The following ATM variants were observed in gnomAD, a reference collection of about 807,000 sequenced individuals.
The protein encoded by ATM is serine-protein kinase ATM.
ATM carries 308 observed loss-of-function variants against 387.0 expected under a neutral mutation model. The ratio of observed to expected loss-of-function variants is 0.80; its 90% CI spans 0.73 to 0.87. ATM has a LOEUF of 0.87. Among genes scored for constraint, ATM ranks in the 40% least tolerant of loss-of-function variants. The probability of loss-of-function intolerance (pLI) is 0.00; values close to 1 mark genes in which losing one functional copy is unlikely to be tolerated. For missense variants in ATM, 3,312 were observed against 3,560.9 expected (o/e 0.93, Z 1.78); for synonymous variants, 1,156 against 1,187.3 (o/e 0.97, Z 0.54).
At chr11:108,343,142 C>G (rs2087792524) in intron 56 of ATM, 80 bp from the exon 57 acceptor site, 2 of 1,565,158 alleles carry the variant, frequency 1.3e-6, no homozygotes, top group South Asian at 1.1e-5. Context: ...ATGCTTTGCA[C>G]TGACTCTGAT....
intron 32 of ATM, 105 bp downstream of exon 32, chr11:108,295,164 C>CT: frequency 1.4e-6 from 2 of 1,456,016 alleles, no homozygotes; most frequent in Non-Finnish European, 1.9e-6. Flanking sequence ...AGTTCAGACT[C>CT]TCATCATTTA....
At chr11:108,343,109 A>C in intron 56 of ATM, 113 bp from the exon 57 acceptor site, 1 of 1,338,006 alleles carries the variant, frequency 7.5e-7, no homozygotes, top group South Asian at 1.2e-5. Flanking sequence ...GGACAGAGAA[A>C]TATTAATACA....
In ATM at chr11:108,295,047, A is replaced by C; in HGVS notation, c.4897A>C (p.Arg1633=). Residue 1633 remains arginine (R), a synonymous_variant, in exon 32 of 63, where the codon AGA becomes CGA. Transcript: ENST00000675843. ...TAAAGATCAGATGGTGGACATTATG[A>C]GAGCTTCTCAGGGTGCTAATTTTAA... is the stretch of plus-strand genomic sequence containing the variant. ...LHKDQMVDIM[R]ASQDNPQDGI... The C allele has an allele frequency of 6.2e-7, 1 of 1,613,920 alleles. No homozygotes were observed. The highest frequency in any genetic ancestry group is 8.5e-7 in the Non-Finnish European group (1 of 1,179,868).
At chr11:108,267,925 G>T (rs1029038539) in intron 17 of ATM, among the ~76,000 whole-genome samples, 1 of 152,228 alleles carries the variant, frequency 6.6e-6, no homozygotes, top group Non-Finnish European at 1.5e-5. Context: ...AAACACACCT[G>T]TAATGCCATT....
At position 108,267,318 on chromosome 11, in the gene ATM, C is replaced by T. The variant is rs3218673; in HGVS notation, c.2614C>T (p.Pro872Ser). Residue 872 changes from proline to serine, a missense_variant, in exon 17 of 63, where the codon CCT (proline) becomes TCT (serine). Physicochemically the swap from Pro to Ser is moderately conservative, Grantham distance 74 (BLOSUM62 -1). Transcript: ENST00000675843. Reference protein sequence around the residue: ...PDSSVSDANEPGESQSTIGAI... With the variant: ...PDSSVSDANESGESQSTIGAI... ...TAGTAGTGTTAGTGATGCAAACGAA[C>T]CTGGAGAGAGCCAAAGTACCATAGG... 3,896 of 1,613,904 alleles carry T rather than the reference C, an allele frequency of 2.4e-3. 92 individuals are homozygous for T. In the African/African-American group the frequency reaches 0.044, roughly 18 times the overall value.
chr11:108,293,209 C>T (rs2082903518), intron 30 of ATM, 104 bp from the exon 31 acceptor site: 2 of 750,718 alleles, frequency 2.7e-6, no homozygotes. Flanking sequence ...AACATTTAAT[C>T]TGATCTAGGT....
At chr11:108,353,647 T>G (rs2089473372) in intron 59 of ATM, 119 bp from the exon 60 acceptor site, 2 of 788,758 alleles carry the variant, frequency 2.5e-6, no homozygotes, top group Non-Finnish European at 4.5e-6. Flanking sequence ...CTGTACATAC[T>G]AGTGTTCATA....
chr11:108,271,191 A>G (rs1245666911), intron 19 of ATM, 45 bp downstream of exon 19: 2 of 1,613,002 alleles, frequency 1.2e-6, no homozygotes, highest in Admixed American at 3.3e-5. Flanking sequence ...AAAGTTATAA[A>G]ATAACTGATG....
At chr11:108,242,089 G>A (rs1000594175) in intron 5 of ATM, among the ~76,000 whole-genome samples, 103 of 151,726 alleles carry the variant, frequency 6.8e-4, no homozygotes, top group African/African-American at 2.4e-3. Flanking sequence ...TCCAAATCTA[G>A]CCTGGGCAGT....
At chr11:108,317,181 C>T (rs1052658629) in intron 42 of ATM, among the ~76,000 whole-genome samples, 192 bp from the exon 43 acceptor site, 2 of 151,856 alleles carry the variant, frequency 1.3e-5, no homozygotes, top group Admixed American at 1.3e-4. Context: ...TCAAGTGATC[C>T]TCCTGCCTCA....
chr11:108,236,286 G>A (rs4987912), intron 5 of ATM: 2,005 of 195,178 alleles, frequency 0.01, 52 homozygotes, highest in African/African-American at 0.044. Flanking sequence ...GCTCACGCCT[G>A]TAATCCTAGC....
intron 31 of ATM, 109 bp downstream of exon 31, chr11:108,293,586 A>G (rs1309620261): frequency 2.9e-6 from 3 of 1,033,094 alleles, no homozygotes; most frequent in Non-Finnish European, 1.5e-6. Context: ...TTTAATTGTG[A>G]TTAAAAATAT....
Position 108,365,847 on chromosome 11 carries a change from G to A in ATM, c.*339G>A, listed in dbSNP as rs905804487. 2.2e-5 allele frequency: 6 copies of A among 277,948 alleles called. No homozygotes were observed. The highest frequency in any genetic ancestry group is 4.2e-5 in the Non-Finnish European group (6 of 143,414). The allele number at this position is 277,948 out of a possible 1,614,324, so 17.2% of individuals were successfully genotyped here. A position where few individuals can be genotyped will look rare whatever the true frequency, so the allele number is the denominator to read the frequency against. On this transcript the variant is annotated 3_prime_UTR_variant, in exon 63 of 63. Coordinates refer to ENST00000675843, the MANE Select transcript of ATM (RefSeq NM_000051.4). ...GCCAAGAGACCAGCCTGGCCAGTAT[G>A]GTGAAACCCTGTCTCTACTAAAAAT...
chr11:108,277,357 C>CT (rs1184599235), intron 22 of ATM, among the ~76,000 whole-genome samples: 2 of 152,138 alleles, frequency 1.3e-5, no homozygotes, highest in Non-Finnish European at 2.9e-5. Flanking sequence ...CTTCAGCCCC[C>CT]TTTCTAGGGG....
chr11:108,262,152 G>A (rs374319161), intron 16 of ATM, among the ~76,000 whole-genome samples: 5 of 152,186 alleles, frequency 3.3e-5, no homozygotes, highest in East Asian at 3.9e-4. Context: ...GATACTCCTC[G>A]AGAAGAGCAA....
intron 56 of ATM, among the ~76,000 whole-genome samples, chr11:108,339,101 G>T (rs548821892): frequency 3.3e-5 from 5 of 152,162 alleles, no homozygotes; most frequent in African/African-American, 1.2e-4. Context: ...AGATGGAAAT[G>T]AAGACAGTTC....
intron 16 of ATM, among the ~76,000 whole-genome samples, chr11:108,261,261 T>A (rs1455318214): frequency 1.3e-5 from 2 of 152,154 alleles, no homozygotes; most frequent in East Asian, 1.9e-4. Flanking sequence ...AGAGCAGTGG[T>A]TCTCCCAGCA....
chr11:108,259,866 T>C (rs2080753606), intron 16 of ATM, among the ~76,000 whole-genome samples: 1 of 152,188 alleles, frequency 6.6e-6, no homozygotes, highest in African/African-American at 2.4e-5. Flanking sequence ...TGAAAACATA[T>C]TCTGTAACTT....
At chr11:108,278,288 A>T (rs2082052052) in intron 22 of ATM, among the ~76,000 whole-genome samples, 1 of 152,174 alleles carries the variant, frequency 6.6e-6, no homozygotes, top group Non-Finnish European at 1.5e-5. Flanking sequence ...TTTCTAATGA[A>T]TATGTTTAGT....
Sources: gnomAD v4.1 joint callset for allele counts (sites outside exome capture counted in the v4.1 genomes callset) on GRCh38, gnomAD v4.1.1 for gene constraint, MANE v1.5 for transcripts, NCBI Gene and HGNC (gene_info 2026-07-23, HGNC 2026-07-21) for gene names.